Variants in POMGNT1 observed in about 807,000 individuals in gnomAD.
POMGNT1 encodes the protein protein O-linked-mannose beta-1,2-N-acetylglucosaminyltransferase 1.
POMGNT1 carries 67 observed loss-of-function variants against 95.6 expected under a neutral mutation model. That is an observed-to-expected ratio of 0.70 (90% CI 0.58 to 0.86). The LOEUF (loss-of-function observed/expected upper bound fraction) is 0.86, where lower values mean the gene tolerates loss of function less well. Among genes scored for constraint, POMGNT1 ranks in the 40% least tolerant of loss-of-function variants. The probability of loss-of-function intolerance (pLI) is 0.00; values close to 1 mark genes in which losing one functional copy is unlikely to be tolerated. For synonymous variants in POMGNT1, 298 were observed against 317.9 expected (o/e 0.94, Z 0.66); for missense variants, 719 against 855.2 (o/e 0.84, Z 1.99).
rs1404879034 is a variant in POMGNT1 at position 46,190,050 on chromosome 1, A to G, written c.1650-61T>C. On this transcript the variant is annotated intron_variant, in intron 19 of 21. Transcript: ENST00000371984. ...GGCCCACTTCATGGGTGTGTCCCAC[A>G]GGACCCTGTACTTGGTTGAATGCTC... is the stretch of plus-strand genomic sequence containing the variant. 8 of 1,591,308 alleles carry G rather than the reference A, an allele frequency of 5.0e-6. No homozygotes were observed. In the Admixed American group the frequency reaches 1.0e-4, roughly 21 times the overall value.
chr1:46,194,981 A>C lies in POMGNT1; in HGVS notation c.535-20T>G. 1.2e-6 allele frequency: 2 copies of C among 1,611,536 alleles called. No homozygotes were observed. Among genetic ancestry groups the C allele is most frequent in the Non-Finnish European group, 1.7e-6 (2 of 1,177,822 alleles). The stretch of plus-strand genomic sequence containing the variant: ...CTCATCCTGGGGGACCAGAGAAGGC[A>C]GTTAGCCTGACTGGCATGGTTCCAG... On this transcript the variant is annotated intron_variant, in intron 6 of 21. Coordinates refer to ENST00000371984, the MANE Select transcript of POMGNT1 (RefSeq NM_017739.4).
chr1:46,196,360 C>T lies in POMGNT1; in HGVS notation c.355-283G>A, dbSNP rs1482323036. 2.6e-5 allele frequency among the ~76,000 whole-genome samples: 4 copies of T among 152,202 alleles called. No individual in the cohort carries two copies. The highest frequency in any genetic ancestry group is 9.7e-5 in the African/African-American group (4 of 41,440). On this transcript the variant is annotated intron_variant, in intron 4 of 21. Transcript: ENST00000371984. The surrounding 1 kb of genome is among the most constrained non-coding windows in gnomAD (Gnocchi z 4.4). ...TTCATCCTGGAAGTATCACAATCCT[C>T]CACCACACTGAACCCCTCAAGGTAG...
At position 46,212,928 on chromosome 1, in the gene POMGNT1, A is replaced by AT. The variant is rs544805776; in HGVS notation, c.-51+6776dup. 2.3e-3 allele frequency among the ~76,000 whole-genome samples: 346 copies of AT among 150,512 alleles called. 2 individuals are homozygous for AT. The highest frequency in any genetic ancestry group is 7.9e-3 in the African/African-American group (326 of 41,026). ...GTGTCCACCACCACACCTGGCAAAA[A>AT]TTTTTTTTGTAATTTTTAGTAGAGA... On this transcript the variant is annotated intron_variant, in intron 1 of 22. Coordinates refer to the POMGNT1 transcript ENST00000371992.
chr1:46,215,891 C>A (rs1557686476), intron 1 of POMGNT1, among the ~76,000 whole-genome samples: 1 of 151,998 alleles, frequency 6.6e-6, no homozygotes, highest in Non-Finnish European at 1.5e-5. Context: ...TAGAGTAAGA[C>A]CCTGTCTCAA....
In POMGNT1 at chr1:46,197,732, T is replaced by G; in HGVS notation, c.90A>C (p.Thr30=). The part of the protein sequence containing the change: ...SWYLTWKYKL[T]NQRALRRFCQ... ...AGAATCTCCGCAGGGCCCGCTGGTTTGTCAGTTTATACTTCCAGGTAAGGT... is the reference window on the plus strand; with the variant it reads ...AGAATCTCCGCAGGGCCCGCTGGTTGGTCAGTTTATACTTCCAGGTAAGGT... Residue 30 remains threonine (T), a synonymous_variant, in exon 2 of 22, where the codon ACA becomes ACC. Coordinates refer to ENST00000371984, the MANE Select transcript of POMGNT1 (RefSeq NM_017739.4). 6.2e-7 allele frequency: 1 copy of G among 1,614,114 alleles called. No individual in the cohort carries two copies. The highest frequency in any genetic ancestry group is 1.1e-5 in the South Asian group (1 of 91,082).
At chr1:46,211,911 G>A (rs139751456) in intron 1 of POMGNT1, among the ~76,000 whole-genome samples, 11 of 152,008 alleles carry the variant, frequency 7.2e-5, no homozygotes, top group Admixed American at 4.6e-4. Context: ...ACAGGCGTGC[G>A]CCACAACGCC....
At chr1:46,194,205 A>C (rs992283194) in intron 9 of POMGNT1, 69 bp downstream of exon 9, 1 of 1,613,258 alleles carries the variant, frequency 6.2e-7, no homozygotes, top group African/African-American at 1.3e-5. Flanking sequence ...CCCAACCTAG[A>C]TCATTCCTGG....
intron 1 of POMGNT1, among the ~76,000 whole-genome samples, chr1:46,215,242 AAG>A (rs1289167059): frequency 1.3e-5 from 2 of 151,810 alleles, no homozygotes; most frequent in African/African-American, 4.8e-5. Context: ...AAAAAAAAAA[AAG>A]AGATGCAAGA....
At chr1:46,209,015 G>A (rs961921885) in intron 1 of POMGNT1, among the ~76,000 whole-genome samples, 5 of 152,154 alleles carry the variant, frequency 3.3e-5, no homozygotes, top group Non-Finnish European at 7.4e-5. Context: ...GGGGAAAGCT[G>A]AAAAGCAACA....
intron 9 of POMGNT1, 56 bp downstream of exon 9, chr1:46,194,218 C>A (rs1281061151): frequency 6.2e-7 from 1 of 1,613,626 alleles, no homozygotes; most frequent in Admixed American, 1.7e-5. Context: ...ATTCCTGGGG[C>A]CCCCCTGCTG....
At chr1:46,195,064 T>A (rs1658121865) in intron 6 of POMGNT1, 103 bp from the exon 7 acceptor site, 4 of 993,728 alleles carry the variant, frequency 4.0e-6, no homozygotes, top group Non-Finnish European at 6.5e-6. Flanking sequence ...AAATAGCTCA[T>A]TACATTATTG....
intron 1 of POMGNT1, among the ~76,000 whole-genome samples, chr1:46,216,778 A>G (rs937140284): frequency 2.6e-5 from 4 of 152,086 alleles, no homozygotes; most frequent in African/African-American, 9.7e-5. Context: ...TAATTTTTCA[A>G]TCCTTGCCCC....
chr1:46,220,151 G>C, exon 1 of POMGNT1: 1 of 1,614,182 alleles, frequency 6.2e-7, no homozygotes, highest in Non-Finnish European at 8.5e-7. Flanking sequence ...CAGAGGATGA[G>C]AGTGCCAAGC....
chr1:46,202,696 CAAAAAAAAAA>C (rs768113273), upstream of POMGNT1, among the ~76,000 whole-genome samples: 9 of 32,230 alleles, frequency 2.8e-4, no homozygotes, highest in African/African-American at 5.3e-4. Flanking sequence ...GACTCTGTCT[CAAAAAAAAAA>C]AAAAAAAAAA....
chr1:46,219,263 C>G (rs1659157475), intron 1 of POMGNT1, among the ~76,000 whole-genome samples: 1 of 151,580 alleles, frequency 6.6e-6, no homozygotes. Context: ...CCATTGCACT[C>G]CATCCTGGAC....
At chr1:46,206,880 G>A (rs2148238129) in intron 1 of POMGNT1, among the ~76,000 whole-genome samples, 1 of 152,298 alleles carries the variant, frequency 6.6e-6, no homozygotes, top group South Asian at 2.1e-4. Flanking sequence ...TCTGGTTAGG[G>A]AAGGAGGAGA....
intron 6 of POMGNT1, among the ~76,000 whole-genome samples, chr1:46,195,186 C>A (rs988666193): frequency 6.6e-6 from 1 of 152,160 alleles, no homozygotes; most frequent in Non-Finnish European, 1.5e-5. Context: ...ACGATCTGCA[C>A]CTCTCTCTCC....
At position 46,190,728 on chromosome 1, in the gene POMGNT1, A is replaced by G. The variant is rs200730202; in HGVS notation, c.1596T>C (p.Asn532=). The change falls in exon 18 of 22, where the codon AAT becomes AAC. Residue 532 remains asparagine, a synonymous_variant. Transcript: ENST00000371984. ...CTGCTGCCAGCCCCAACCTGTCCACATTCCTGAGCTGGACACCTGGAACCG... is the reference window on the plus strand; with the variant it reads ...CTGCTGCCAGCCCCAACCTGTCCACGTTCCTGAGCTGGACACCTGGAACCG... ...FNTVPGVQLR[N]VDSLKKEAYE... 1.8e-4 allele frequency: 298 copies of G among 1,613,434 alleles called. No individual in the cohort carries two copies. The highest frequency in any genetic ancestry group is 1.6e-3 in the South Asian group (144 of 91,036).
chr1:46,205,949 G>A (rs1658701429), intron 1 of POMGNT1, among the ~76,000 whole-genome samples: 1 of 152,208 alleles, frequency 6.6e-6, no homozygotes, highest in Admixed American at 6.5e-5. Context: ...GCACAAAGGG[G>A]GAAGGCCTAC....
Sources: allele counts gnomAD v4.1 joint callset (sites outside exome capture counted in the v4.1 genomes callset), GRCh38; gene constraint gnomAD v4.1.1; non-coding constraint Gnocchi (gnomAD v3.1); transcripts MANE v1.5; gene names NCBI Gene and HGNC (gene_info 2026-07-23, HGNC 2026-07-21).